Variants in GALNTL6 observed in about 807,000 individuals in gnomAD.
GALNTL6 encodes polypeptide N-acetylgalactosaminyltransferase-like 6.
In GALNTL6, 46 loss-of-function variants were observed where a neutral mutation model predicts 73.7. The observed-to-expected ratio is 0.62, with a 90% confidence interval of 0.49 to 0.80. GALNTL6 has a LOEUF of 0.80. Among genes scored for constraint, GALNTL6 ranks in the 30% least tolerant of loss-of-function variants. The probability of loss-of-function intolerance (pLI) is 0.00; values close to 1 mark genes in which losing one functional copy is unlikely to be tolerated. For missense variants in GALNTL6, 604 were observed against 755.0 expected (o/e 0.80, Z 2.34); for synonymous variants, 259 against 263.7 (o/e 0.98, Z 0.17).
chr4:172,004,916 G>A (rs1474686043), intron 2 of GALNTL6, among the ~76,000 whole-genome samples: 3 of 150,736 alleles, frequency 2.0e-5, no homozygotes, highest in African/African-American at 7.3e-5. Context: ...AAAAAGTTTG[G>A]AACCTTAGAT....
chr4:172,119,849 T>G (rs1297631714), intron 2 of GALNTL6, among the ~76,000 whole-genome samples: 1 of 152,120 alleles, frequency 6.6e-6, no homozygotes, highest in Admixed American at 6.6e-5. Flanking sequence ...TTCAGTAAGG[T>G]CTGGTGAGGA....
intron 2 of GALNTL6, among the ~76,000 whole-genome samples, chr4:172,062,688 G>A (rs949774870): frequency 6.6e-6 from 1 of 152,188 alleles, no homozygotes; most frequent in Admixed American, 6.5e-5. Flanking sequence ...GCAATTCTAA[G>A]ATACAACCAC....
intron 5 of GALNTL6, among the ~76,000 whole-genome samples, chr4:172,725,825 A>G (rs1391257793): frequency 6.6e-6 from 1 of 152,218 alleles, no homozygotes; most frequent in East Asian, 1.9e-4. Flanking sequence ...AAGCTTGTAG[A>G]TATATCAGTG....
chr4:171,863,709 A>AGTTTTCTCTACT (rs1735898380), intron 2 of GALNTL6, among the ~76,000 whole-genome samples: 1 of 152,160 alleles, frequency 6.6e-6, no homozygotes, highest in Admixed American at 6.5e-5. Flanking sequence ...AACTCCTAGT[A>AGTTTTCTCTACT]GGACAAAGTG....
intron 2 of GALNTL6, among the ~76,000 whole-genome samples, chr4:172,167,628 G>T (rs953644191): frequency 6.6e-6 from 1 of 152,164 alleles, no homozygotes; most frequent in South Asian, 2.1e-4. Flanking sequence ...TTTTAGTAAG[G>T]TTTTCAAGTT....
chr4:172,313,777 G>A (rs775582358), intron 4 of GALNTL6, among the ~76,000 whole-genome samples: 1 of 152,132 alleles, frequency 6.6e-6, no homozygotes, highest in African/African-American at 2.4e-5. Context: ...AAGTGGTCAT[G>A]TAGTAAGAAA....
chr4:171,868,115 T>G (rs1180508520), intron 2 of GALNTL6, among the ~76,000 whole-genome samples: 3 of 151,578 alleles, frequency 2.0e-5, no homozygotes, highest in African/African-American at 7.3e-5. Context: ...GCCTCCTGAG[T>G]AGCTGGGACT....
intron 5 of GALNTL6, among the ~76,000 whole-genome samples, chr4:172,632,724 A>G (rs937182578): frequency 7.9e-5 from 12 of 152,214 alleles, no homozygotes; most frequent in Non-Finnish European, 1.6e-4. Context: ...ATGTCTCCAG[A>G]GCATGTTACA....
At chr4:172,561,073 G>GA (rs1736337943) in intron 5 of GALNTL6, among the ~76,000 whole-genome samples, 1 of 151,358 alleles carries the variant, frequency 6.6e-6, no homozygotes, top group African/African-American at 2.4e-5. Flanking sequence ...CTAACAAGGT[G>GA]AAACCCCATC....
At chr4:171,827,822 A>T (rs1334538132) in intron 2 of GALNTL6, among the ~76,000 whole-genome samples, 1 of 152,062 alleles carries the variant, frequency 6.6e-6, no homozygotes, top group African/African-American at 2.4e-5. Context: ...TGACCCTTAA[A>T]CATAGGTTTG....
intron 2 of GALNTL6, among the ~76,000 whole-genome samples, chr4:171,864,611 T>C (rs891596517): frequency 1.3e-5 from 2 of 152,174 alleles, no homozygotes; most frequent in Non-Finnish European, 2.9e-5. Flanking sequence ...TATAACATAA[T>C]TAGGTTCATA....
At chr4:171,932,362 A>G (rs1206390009) in intron 2 of GALNTL6, among the ~76,000 whole-genome samples, 1 of 152,210 alleles carries the variant, frequency 6.6e-6, no homozygotes, top group East Asian at 1.9e-4. Context: ...ACAACCAAAA[A>G]GTGAATTGTG....
chr4:172,244,630 A>G (rs1203104552), intron 3 of GALNTL6, among the ~76,000 whole-genome samples: 3 of 152,170 alleles, frequency 2.0e-5, no homozygotes, highest in African/African-American at 4.8e-5. Context: ...TAGAATATGA[A>G]GGATATTTAT....
chr4:172,822,300 T>G (rs1023208235), intron 7 of GALNTL6, among the ~76,000 whole-genome samples: 2 of 152,136 alleles, frequency 1.3e-5, no homozygotes, highest in African/African-American at 4.8e-5. Flanking sequence ...ATCCAGCTTC[T>G]TGAACCACTT....
At chr4:173,023,724 G>A (rs1753112311) in intron 12 of GALNTL6, among the ~76,000 whole-genome samples, 1 of 151,106 alleles carries the variant, frequency 6.6e-6, no homozygotes, top group South Asian at 2.1e-4. Context: ...AATGAAAGGA[G>A]CTCAGAAGAT....
At chr4:172,745,410 A>G (rs1737051116) in intron 5 of GALNTL6, among the ~76,000 whole-genome samples, 1 of 145,592 alleles carries the variant, frequency 6.9e-6, no homozygotes, top group African/African-American at 2.7e-5. Flanking sequence ...AGATTAAAGA[A>G]AATTATTATC....
At chr4:172,402,859 A>G (rs1008899649) in intron 5 of GALNTL6, among the ~76,000 whole-genome samples, 4 of 152,102 alleles carry the variant, frequency 2.6e-5, no homozygotes, top group African/African-American at 9.7e-5. Flanking sequence ...TTTACTATAC[A>G]GAAAAACGAA....
chr4:172,254,258 C>T (rs1266084552), intron 3 of GALNTL6, among the ~76,000 whole-genome samples: 1 of 151,706 alleles, frequency 6.6e-6, no homozygotes, highest in Non-Finnish European at 1.5e-5. Flanking sequence ...AAAATTAGAA[C>T]AACTCACACT....
intron 5 of GALNTL6, among the ~76,000 whole-genome samples, chr4:172,543,082 C>T (rs1316267038): frequency 1.7e-5 from 2 of 120,596 alleles, no homozygotes; most frequent in African/African-American, 5.9e-5. Flanking sequence ...GGTGACAGAG[C>T]GAGACTCCAT....
Sources: gnomAD v4.1 joint callset for allele counts (sites outside exome capture counted in the v4.1 genomes callset) on GRCh38, gnomAD v4.1.1 for gene constraint, MANE v1.5 for transcripts, NCBI Gene and HGNC (gene_info 2026-07-23, HGNC 2026-07-21) for gene names.